TRRAP: variants seen among roughly 807,000 people sequenced by gnomAD.
The protein encoded by TRRAP is transformation/transcription domain-associated protein.
Under a neutral mutation model 438.8 loss-of-function variants are expected in TRRAP, and 41 were observed. The observed-to-expected ratio is 0.09, with a 90% CI of 0.07 to 0.12. The LOEUF (loss-of-function observed/expected upper bound fraction) is 0.12. Ranked by LOEUF, TRRAP falls within the 10% of genes least tolerant of loss-of-function variation. The probability of loss-of-function intolerance (pLI) is 1.00; values close to 1 mark genes in which losing one functional copy is unlikely to be tolerated. For missense variants in TRRAP, 3,122 were observed against 5,055.1 expected, an observed-to-expected ratio of 0.62 and a Z score of 11.60; for synonymous variants, 1,994 against 1,962.9, an observed-to-expected ratio of 1.02 and a Z score of -0.42.
chr7:98,984,013 C>T (rs888002934), intron 60 of TRRAP, 80 bp from the exon 61 acceptor site: 2 of 1,471,798 alleles, frequency 1.4e-6, no homozygotes, highest in Admixed American at 2.5e-5. Flanking sequence ...GTGTGTGTTT[C>T]ATTTTTTATT....
intron 20 of TRRAP, among the ~76,000 whole-genome samples, chr7:98,919,065 G>T (rs2116454443): frequency 6.6e-6 from 1 of 152,220 alleles, no homozygotes; most frequent in African/African-American, 2.4e-5. Flanking sequence ...ACTGATTTGT[G>T]ATCTGGTTGG....
Position 99,011,110 on chromosome 7 carries a change from A to T in TRRAP, c.10997A>T (p.Lys3666Met), listed in dbSNP as rs1228867891. The T allele has an allele frequency of 3.1e-6, 5 of 1,614,202 alleles. No individual in the cohort carries two copies. Among genetic ancestry groups the T allele is most frequent in the Non-Finnish European group, 4.2e-6 (5 of 1,180,044 alleles). ...AACATGGTGCCGCGCAGCATGCTCA[A>T]GGAGTGGGCGCTGCACACCTTCCCC... Reference protein sequence around the residue: ...QSNMVPRSMLKEWALHTFPNA... With the variant: ...QSNMVPRSMLMEWALHTFPNA... The change falls in exon 71 of 73, where the codon AAG (lysine) becomes ATG (methionine). Residue 3666 changes from lysine to methionine, a missense_variant. Around this residue, in one of 24 missense-constraint regions of TRRAP, gnomAD observed 192 missense variants for 355.6 expected, o/e 0.54. Transcript: ENST00000456197. This position sits in a 1 kb window ranked among gnomAD's most constrained non-coding sequence, Gnocchi z 7.1.
rs931406299 is a variant in TRRAP, at chr7:98,967,514, C to T, written c.7328C>T (p.Thr2443Met). 24 of 1,613,804 alleles carry T rather than the reference C, an allele frequency of 1.5e-5. No individual in the cohort carries two copies. Among genetic ancestry groups the T allele is most frequent in the African/African-American group, 2.7e-5 (2 of 74,846 alleles). Residue 2443 changes from threonine (T) to methionine (M), a missense_variant, in exon 51 of 73, where the codon ACG becomes ATG. Coordinates refer to ENST00000456197, the MANE Select transcript of TRRAP (RefSeq NM_001375524.1). ...RDETLSGSEL[T>M]AKLEPAFLSG... is the part of the protein sequence containing the mutation. ...GAGACCCTCTCTGGCAGCGAGCTGA[C>T]GGCGAAACTTGAGCCTGCCTTTCTC...
chr7:98,999,420 C>A, intron 67 of TRRAP: 1 of 1,087,894 alleles, frequency 9.2e-7, no homozygotes, highest in South Asian at 1.3e-5. Flanking sequence ...TCCAGCAGCT[C>A]CTCCAAAATC....
In TRRAP at chr7:99,005,286, G is replaced by T; in HGVS notation, c.10691G>T (p.Arg3564Leu). 6.2e-7 allele frequency: 1 copy of T among 1,614,130 alleles called. No homozygotes were observed. Among genetic ancestry groups the T allele is most frequent in the African/African-American group, 1.3e-5 (1 of 75,044 alleles). The change falls in exon 69 of 73, where the codon CGT (arginine) becomes CTT (leucine). Residue 3564 changes from arginine to leucine, a missense_variant. Arg to Leu is a moderately radical substitution (Grantham distance 102). Transcript: ENST00000456197. The surrounding 1 kb of genome is among the most constrained non-coding windows in gnomAD (Gnocchi z 5.1). ...GAGGAGCGTGTGTTGCAGCTGCTGCGTCTGCTGAACCCCTGTTTGGAGAAG... is the reference window on the plus strand; with the variant it reads ...GAGGAGCGTGTGTTGCAGCTGCTGCTTCTGCTGAACCCCTGTTTGGAGAAG... The part of the protein sequence containing the change: ...RREERVLQLL[R>L]LLNPCLEKRK...
intron 6 of TRRAP, among the ~76,000 whole-genome samples, 160 bp downstream of exon 6, chr7:98,894,041 A>T (rs190583536): frequency 3.3e-4 from 50 of 152,310 alleles, no homozygotes; most frequent in African/African-American, 1.2e-3. Context: ...ACAGTGACTT[A>T]AAAAAATGTT....
chr7:98,989,090 A>G (rs1250029443), intron 63 of TRRAP, 124 bp downstream of exon 63: 1 of 986,822 alleles, frequency 1.0e-6, no homozygotes, highest in Non-Finnish European at 1.5e-6. Context: ...TTAACTCTTA[A>G]TCCTCATCAC....
chr7:98,960,713 T>A (rs963052750), intron 45 of TRRAP, among the ~76,000 whole-genome samples: 13 of 152,116 alleles, frequency 8.5e-5, no homozygotes, highest in Non-Finnish European at 1.2e-4. Context: ...TGCCTCAACC[T>A]CCCAAGTAGC....
At chr7:98,979,129 A>G (rs531140772) in intron 58 of TRRAP, among the ~76,000 whole-genome samples, 7 of 152,386 alleles carry the variant, frequency 4.6e-5, no homozygotes, top group Admixed American at 2.0e-4. Flanking sequence ...ACTATGAACT[A>G]GAAGATGGAA....
chr7:98,950,404 C>G, intron 38 of TRRAP, 142 bp downstream of exon 38: 1 of 1,010,542 alleles, frequency 9.9e-7, no homozygotes, highest in Non-Finnish European at 1.4e-6. Context: ...TGCCTGTAAT[C>G]CCAGGTACTC....
chr7:98,926,879 C>T (rs1312217966), intron 22 of TRRAP, among the ~76,000 whole-genome samples: 1 of 151,442 alleles, frequency 6.6e-6, no homozygotes, highest in African/African-American at 2.4e-5. Context: ...ATTAGCTGGG[C>T]GTGGTGGTGG....
chr7:98,947,703 G>A (rs1010118002), intron 33 of TRRAP, among the ~76,000 whole-genome samples: 7 of 152,120 alleles, frequency 4.6e-5, no homozygotes, highest in East Asian at 1.9e-4. Context: ...TGATCCACCC[G>A]CCTCAGCCTC....
intron 18 of TRRAP, among the ~76,000 whole-genome samples, chr7:98,913,374 C>T (rs1199399265): frequency 6.6e-6 from 1 of 151,980 alleles, no homozygotes; most frequent in Non-Finnish European, 1.5e-5. Flanking sequence ...ACTGCAACCT[C>T]TGCCTCCCGG....
intron 6 of TRRAP, 95 bp downstream of exon 6, chr7:98,893,976 C>T: frequency 8.9e-7 from 1 of 1,125,136 alleles, no homozygotes; most frequent in Admixed American, 2.1e-5. Flanking sequence ...TGAACACATA[C>T]TGTTTTCAAG....
rs200052707 is a variant in TRRAP, at chr7:98,971,790, G to C, written c.7693-9G>C. The stretch of plus-strand genomic sequence containing the variant: ...ACCTTTTGGTTTTGCTTGCTGCTTT[G>C]TTTCTTAGGATGTAGAGATAGACAT... On this transcript the variant is annotated splice_polypyrimidine_tract_variant and intron_variant, in intron 52 of 72. Transcript: ENST00000456197. 5.0e-5 allele frequency: 80 copies of C among 1,611,892 alleles called. No homozygotes were observed. Among genetic ancestry groups the C allele is most frequent in the Non-Finnish European group, 6.4e-5 (76 of 1,179,296 alleles).
intron 70 of TRRAP, 149 bp downstream of exon 70, chr7:99,008,710 A>G (rs1794305000): frequency 3.4e-6 from 3 of 874,690 alleles, no homozygotes. Flanking sequence ...GACTCATGAG[A>G]TGGTGGAAAT....
At chr7:98,935,256 G>A (rs1790506313) in intron 27 of TRRAP, among the ~76,000 whole-genome samples, 1 of 152,112 alleles carries the variant, frequency 6.6e-6, no homozygotes, top group South Asian at 2.1e-4. Context: ...TGCCATCATG[G>A]GATTTGCAGT....
chr7:98,992,560 C>CGTGTGTGTGTGTGTGTGTGT (rs72517544), intron 65 of TRRAP, among the ~76,000 whole-genome samples: 56 of 149,218 alleles, frequency 3.8e-4, no homozygotes, highest in African/African-American at 1.1e-3. Flanking sequence ...TGCCAGCTGC[C>CGTGTGTGTGTGTGTGTGTGT]GTGTGTGTGT....
At position 98,951,017 on chromosome 7, in the gene TRRAP, T is replaced by A; in HGVS notation, c.5463+13T>A. The A allele has an allele frequency of 6.4e-7, 1 of 1,573,622 alleles. No homozygotes were observed. The highest frequency in any genetic ancestry group is 8.6e-7 in the Non-Finnish European group (1 of 1,163,200). The stretch of plus-strand genomic sequence containing the variant: ...GTTTATTACCAAGGTGGTATCACTA[T>A]GTGTGTGGGTGTGAGAAGTAGCCTG... On this transcript the variant is annotated intron_variant, in intron 39 of 72. Transcript: ENST00000456197.
Sources: allele counts gnomAD v4.1 joint callset (sites outside exome capture counted in the v4.1 genomes callset), GRCh38; gene constraint gnomAD v4.1.1; regional missense constraint gnomAD v4.1.1; non-coding constraint Gnocchi (gnomAD v3.1); transcripts MANE v1.5; gene names NCBI Gene and HGNC (gene_info 2026-07-23, HGNC 2026-07-21).